Variants in DSTN observed in about 807,000 individuals in gnomAD.
DSTN encodes the protein destrin, actin depolymerizing factor, also known as destrin.
Under a neutral mutation model 16.8 loss-of-function variants are expected in DSTN, and 10 were observed. The ratio of observed to expected loss-of-function variants is 0.60; its 90% CI spans 0.37 to 1.01. DSTN has a LOEUF of 1.01. DSTN is among the 50% of genes least tolerant of loss of function. The probability of loss-of-function intolerance (pLI) is 0.01; values close to 1 mark genes in which losing one functional copy is unlikely to be tolerated. For missense variants in DSTN, 141 were observed against 196.7 expected (o/e 0.72, Z 1.69); for synonymous variants, 57 against 58.9 (o/e 0.97, Z 0.14).
intron 1 of DSTN, among the ~76,000 whole-genome samples, chr20:17,590,958 A>G (rs79377623): frequency 0.03 from 4,612 of 152,242 alleles, 205 homozygotes; most frequent in African/African-American, 0.1. Context: ...AAGTTAAAAA[A>G]TTAGCCAGGT....
intron 1 of DSTN, among the ~76,000 whole-genome samples, chr20:17,574,133 G>A (rs1046658229): frequency 7.9e-5 from 12 of 152,210 alleles, no homozygotes; most frequent in African/African-American, 2.9e-4. Flanking sequence ...GAGCCTGGGT[G>A]TTAGAGGCTT....
intron 1 of DSTN, among the ~76,000 whole-genome samples, chr20:17,595,457 C>T (rs900722663): frequency 6.6e-6 from 1 of 152,110 alleles, no homozygotes; most frequent in Non-Finnish European, 1.5e-5. Context: ...CCCATCTGTG[C>T]TGTGGATCTT....
In DSTN at chr20:17,589,402, G is replaced by A. The variant is rs546393133; in HGVS notation, c.4-11336G>A. Among the ~76,000 whole-genome samples the A allele has an allele frequency of 1.1e-4, 17 of 152,152 alleles. No individual in the cohort carries two copies. The South Asian group carries it at 3.1e-3, about 28-fold the overall frequency. On this transcript the variant is annotated intron_variant, in intron 1 of 3. Coordinates refer to ENST00000246069, the MANE Select transcript of DSTN (RefSeq NM_006870.4). ...ATTTTTGTATTTTTAGTAGACACGG[G>A]GTTTCACCATGTTAACCAGGCTGCT...
intron 1 of DSTN, among the ~76,000 whole-genome samples, chr20:17,579,602 A>G (rs2035321038): frequency 6.6e-6 from 1 of 152,224 alleles, no homozygotes; most frequent in Non-Finnish European, 1.5e-5. Context: ...AAGCAGTGGC[A>G]GGTAGTAAAG....
At chr20:17,594,336 G>A (rs1555809439) in intron 1 of DSTN, among the ~76,000 whole-genome samples, 3 of 151,924 alleles carry the variant, frequency 2.0e-5, no homozygotes, top group Non-Finnish European at 4.4e-5. Flanking sequence ...GTCCAGAAGG[G>A]TTGGGCAGCC....
intron 1 of DSTN, among the ~76,000 whole-genome samples, chr20:17,570,445 C>T (rs1052018696): frequency 1.3e-5 from 2 of 152,226 alleles, no homozygotes; most frequent in Non-Finnish European, 2.9e-5. Context: ...CAGCTCCCAG[C>T]TGGGGCGAGG....
chr20:17,600,275 A>G (rs187488388), intron 1 of DSTN, among the ~76,000 whole-genome samples: 6 of 152,310 alleles, frequency 3.9e-5, no homozygotes, highest in African/African-American at 9.6e-5. Flanking sequence ...CTCTTAATAA[A>G]TCTTTTTTTT....
rs73258650 is a variant in DSTN at position 17,580,886 on chromosome 20, T to C, written c.3+10675T>C. Among the ~76,000 whole-genome samples the C allele has an allele frequency of 8.5e-3, 1,300 of 152,286 alleles. 18 individuals carry two copies. Among genetic ancestry groups the C allele is most frequent in the African/African-American group, 0.03 (1,244 of 41,542 alleles). ...AGAGCATTTAGGGCAGAAGGAACTC[T>C]TAAGTAGAAGGGCCTGTAGAAGAGA... is the stretch of plus-strand genomic sequence containing the variant. On this transcript the variant is annotated intron_variant, in intron 1 of 3. Transcript: ENST00000246069.
intron 3 of DSTN, among the ~76,000 whole-genome samples, chr20:17,606,373 CAT>C (rs1395184747): frequency 2.0e-5 from 3 of 152,196 alleles, no homozygotes; most frequent in African/African-American, 7.2e-5. Flanking sequence ...CAATCAGTAA[CAT>C]ATTTCACATA....
At chr20:17,596,746 G>C in intron 1 of DSTN, 1 of 985,198 alleles carries the variant, frequency 1.0e-6, no homozygotes, top group Non-Finnish European at 1.2e-6. Context: ...ACTTCTGATA[G>C]AAAAAAAGAC....
chr20:17,572,733 G>A (rs1354215313), intron 1 of DSTN, among the ~76,000 whole-genome samples: 2 of 152,072 alleles, frequency 1.3e-5, no homozygotes, highest in East Asian at 3.8e-4. Flanking sequence ...AGATTGTAAA[G>A]GATTAATTGA....
intron 2 of DSTN, 134 bp from the exon 3 acceptor site, chr20:17,604,421 T>C (rs2035619101): frequency 1.2e-6 from 1 of 826,478 alleles, no homozygotes; most frequent in African/African-American, 1.7e-5. Context: ...GTAGAAAAAA[T>C]GTGCAGTTAA....
Position 17,601,047 on chromosome 20 carries a change from T to G in DSTN, c.311+2T>G, listed in dbSNP as rs755368695. Reference sequence around the variant, plus strand: ...AGAAGAGTTGATGTTTTTTTTGTGGTAAGCATGTTAGAAATATTGAGCCTC... The same window carrying G: ...AGAAGAGTTGATGTTTTTTTTGTGGGAAGCATGTTAGAAATATTGAGCCTC... On this transcript the variant is annotated splice_donor_variant, in intron 2 of 3. Coordinates refer to ENST00000246069, the MANE Select transcript of DSTN (RefSeq NM_006870.4). LOFTEE classifies it high-confidence loss of function. The G allele has an allele frequency of 6.3e-7, 1 of 1,588,380 alleles. No homozygotes were observed. The highest frequency in any genetic ancestry group is 8.6e-7 in the Non-Finnish European group (1 of 1,166,740).
rs2035669147 is a variant in DSTN, at chr20:17,608,768, G to T, written c.*1622G>T. ...TTTAAAATTTAGAAAATAGAGAAAA[G>T]GGAAATTATACATTGTCCTACCACA... On this transcript the variant is annotated 3_prime_UTR_variant, in exon 4 of 4. Coordinates refer to ENST00000246069, the MANE Select transcript of DSTN (RefSeq NM_006870.4). 1.3e-5 allele frequency: 2 copies of T among 152,074 alleles called. No individual in the cohort carries two copies. The highest frequency in any genetic ancestry group is 2.9e-5 in the Non-Finnish European group (2 of 68,028). The allele number at this position is 152,074 out of a possible 1,614,324, so 9.4% of individuals were successfully genotyped here.
chr20:17,590,297 C>T (rs554053550), intron 1 of DSTN, among the ~76,000 whole-genome samples: 134 of 152,272 alleles, frequency 8.8e-4, no homozygotes, highest in Non-Finnish European at 1.4e-3. Context: ...TTTAAAGAAG[C>T]TTACACAGTG....
At chr20:17,599,801 T>C (rs2035567329) in intron 1 of DSTN, 1 of 152,240 alleles carries the variant, frequency 6.6e-6, no homozygotes, top group Non-Finnish European at 1.5e-5. Context: ...CATTTGATTG[T>C]CTACATTCTT....
intron 1 of DSTN, among the ~76,000 whole-genome samples, chr20:17,582,140 G>A (rs542535897): frequency 4.8e-5 from 7 of 147,044 alleles, no homozygotes; most frequent in South Asian, 2.1e-4. Context: ...GTGCAATAGC[G>A]TGATCTTGGC....
chr20:17,583,835 C>G (rs1049244751), intron 1 of DSTN, among the ~76,000 whole-genome samples: 20 of 147,000 alleles, frequency 1.4e-4, no homozygotes, highest in African/African-American at 5.0e-4. Context: ...CACGCTGACT[C>G]AAGTGATCCT....
At chr20:17,597,479 T>G (rs1302830434) in intron 1 of DSTN, among the ~76,000 whole-genome samples, 1 of 152,206 alleles carries the variant, frequency 6.6e-6, no homozygotes, top group Non-Finnish European at 1.5e-5. Context: ...TTTGTTTGTA[T>G]AAATGTATGG....
Sources: gnomAD v4.1 joint callset for allele counts (sites outside exome capture counted in the v4.1 genomes callset) on GRCh38, gnomAD v4.1.1 for gene constraint, MANE v1.5 for transcripts, NCBI Gene and HGNC (gene_info 2026-07-23, HGNC 2026-07-21) for gene names.